The following GNAL variants were observed in gnomAD, a reference collection of about 807,000 sequenced individuals.
GNAL encodes guanine nucleotide-binding protein G(olf) subunit alpha.
In GNAL, 18 loss-of-function variants were observed where a neutral mutation model predicts 55.1. The observed-to-expected ratio is 0.33, with a 90% CI of 0.23 to 0.48. The LOEUF (loss-of-function observed/expected upper bound fraction) is 0.48, where lower values mean the gene tolerates loss of function less well. Ranked by LOEUF, GNAL falls within the 20% of genes least tolerant of loss-of-function variation. The pLI, the probability that GNAL is intolerant of heterozygous loss-of-function variation, is 0.99. For synonymous variants in GNAL, 253 were observed against 237.0 expected, an observed-to-expected ratio of 1.07 and a Z score of -0.62; for missense variants, 412 against 614.1, an observed-to-expected ratio of 0.67 and a Z score of 3.48.
intron 5 of GNAL, among the ~76,000 whole-genome samples, chr18:11,830,151 C>T (rs969167079): frequency 6.6e-6 from 1 of 152,168 alleles, no homozygotes; most frequent in African/African-American, 2.4e-5. Context: ...ACTCGCCTTT[C>T]CCCATGCTGA....
At chr18:11,726,577 A>G (rs1201576678) in intron 1 of GNAL, among the ~76,000 whole-genome samples, 1 of 152,054 alleles carries the variant, frequency 6.6e-6, no homozygotes, top group Non-Finnish European at 1.5e-5. Context: ...CTCCATGTTT[A>G]TCCTGGGATC....
At chr18:11,851,395 A>AGAAACAGGAAGTGGGACC in intron 5 of GNAL, 1 of 1,292,592 alleles carries the variant, frequency 7.7e-7, no homozygotes, top group Non-Finnish European at 1.0e-6. Flanking sequence ...CGCTCACAGT[A>AGAAACAGGAAGTGGGACC]GAAACAGGAA....
chr18:11,746,138 C>T, intron 1 of GNAL: 1 of 543,420 alleles, frequency 1.8e-6, no homozygotes, highest in Non-Finnish European at 3.7e-6. Context: ...TTCTGGGACA[C>T]TATGAAGTTT....
At chr18:11,855,159 G>A (rs1270374083) in intron 5 of GNAL, among the ~76,000 whole-genome samples, 2 of 152,038 alleles carry the variant, frequency 1.3e-5, no homozygotes, top group Non-Finnish European at 2.9e-5. Context: ...GGCTTGTCTC[G>A]GACTCCTGAC....
At chr18:11,758,809 G>T (rs2033146358) in intron 4 of GNAL, among the ~76,000 whole-genome samples, 1 of 152,200 alleles carries the variant, frequency 6.6e-6, no homozygotes, top group Admixed American at 6.5e-5. Flanking sequence ...GCAGCCAGCA[G>T]ATGCAATGAT....
At chr18:11,779,856 T>C (rs1367829349) in intron 4 of GNAL, among the ~76,000 whole-genome samples, 1 of 152,238 alleles carries the variant, frequency 6.6e-6, no homozygotes, top group African/African-American at 2.4e-5. Context: ...TTTCCTTGCC[T>C]CATACTACAA....
intron 1 of GNAL, among the ~76,000 whole-genome samples, chr18:11,698,490 CA>C (rs201762409): frequency 0.02 from 1,746 of 88,366 alleles, 35 homozygotes; most frequent in Admixed American, 0.09. Context: ...GACTCTGTCT[CA>C]AAAAAAAAAA....
In GNAL at chr18:11,867,131, T is replaced by C. The variant is rs575182824; in HGVS notation, c.852-37T>C. On this transcript the variant is annotated intron_variant, in intron 7 of 11. Coordinates refer to ENST00000334049, the MANE Select transcript of GNAL (RefSeq NM_182978.4). ...AGCACGTTTGCCATTGTCCCCTGCT[T>C]CCCCCAAATAATTGTGTTCCTCTTG... 3.7e-5 allele frequency: 57 copies of C among 1,531,730 alleles called. No homozygotes were observed. The African/African-American group carries it at 6.1e-4, about 16-fold the overall frequency. The allele number at this position is 1,531,730 out of a possible 1,614,324, so 94.9% of individuals were successfully genotyped here. A position where few individuals can be genotyped will look rare whatever the true frequency, so the allele number is the denominator to read the frequency against.
At chr18:11,777,476 T>A (rs866265844) in intron 4 of GNAL, among the ~76,000 whole-genome samples, 15 of 152,318 alleles carry the variant, frequency 9.8e-5, no homozygotes, top group African/African-American at 3.6e-4. Flanking sequence ...CTACTTGACA[T>A]GAGAATATAA....
intron 6 of GNAL, among the ~76,000 whole-genome samples, chr18:11,863,463 G>A (rs1418372878): frequency 1.3e-5 from 2 of 152,222 alleles, no homozygotes; most frequent in East Asian, 1.9e-4. Flanking sequence ...TCCTCTCTAA[G>A]GCTGATCCTG....
intron 4 of GNAL, among the ~76,000 whole-genome samples, chr18:11,760,007 C>A (rs2033188841): frequency 6.6e-6 from 1 of 151,976 alleles, no homozygotes; most frequent in Admixed American, 6.6e-5. Flanking sequence ...CCATTCCTGC[C>A]CAGTACCTCA....
At chr18:11,857,948 C>G (rs1308177866) in intron 5 of GNAL, among the ~76,000 whole-genome samples, 1 of 152,188 alleles carries the variant, frequency 6.6e-6, no homozygotes, top group African/African-American at 2.4e-5. Context: ...CTTGCCTTGA[C>G]AGATTTCCAA....
chr18:11,771,337 A>G (rs144054968), intron 4 of GNAL, among the ~76,000 whole-genome samples: 2 of 152,282 alleles, frequency 1.3e-5, no homozygotes, highest in African/African-American at 4.8e-5. Context: ...TTGGAAGTTA[A>G]TGTTAATGTT....
intron 4 of GNAL, among the ~76,000 whole-genome samples, chr18:11,787,729 C>T (rs951024293): frequency 6.6e-6 from 1 of 152,062 alleles, no homozygotes; most frequent in Non-Finnish European, 1.5e-5. Context: ...AAAAAATTAG[C>T]CAGGCATGGT....
rs368148399 is a variant in GNAL at position 11,862,416 on chromosome 18, C to T, written c.744C>T (p.Ser248=). 264 of 1,613,564 alleles carry T rather than the reference C, an allele frequency of 1.6e-4. 4 individuals are homozygous for T. In the South Asian group the frequency reaches 2.4e-3, roughly 15 times the overall value. Residue 248 remains serine (S), a synonymous_variant, in exon 6 of 12, where the codon AGC becomes AGT. Coordinates refer to ENST00000334049, the MANE Select transcript of GNAL (RefSeq NM_182978.4). ...CAQYFLERID[S]VSLVDYTPTD... is the part of the protein sequence containing the mutation. ...GCAGCTTCCTGGAAAGAATCGACAG[C>T]GTCAGCTTGGTTGACTACACACCCA... is the stretch of plus-strand genomic sequence containing the variant.
In GNAL at chr18:11,884,989, A is replaced by C; in HGVS notation, c.*3854A>C. 7.7e-7 allele frequency: 1 copy of C among 1,301,946 alleles called. No individual in the cohort carries two copies. The highest frequency in any genetic ancestry group is 1.0e-6 in the Non-Finnish European group (1 of 998,548). 80.6% of individuals were successfully genotyped at this position (1,301,946 alleles called of 1,614,324 possible). ...TTCCAGGGTCATCGGTCAGCGAGGA[A>C]CAAGGAGGGAAAGGTGTCTTCCTGC... On this transcript the variant is annotated 3_prime_UTR_variant, in exon 12 of 12. Coordinates refer to ENST00000334049, the MANE Select transcript of GNAL (RefSeq NM_182978.4).
intron 4 of GNAL, among the ~76,000 whole-genome samples, chr18:11,801,199 G>A (rs2034512103): frequency 1.3e-5 from 2 of 152,114 alleles, no homozygotes; most frequent in Non-Finnish European, 2.9e-5. Context: ...ATCTGCCCTG[G>A]GGGAGCTTAT....
intron 4 of GNAL, among the ~76,000 whole-genome samples, chr18:11,805,310 T>C (rs528236852): frequency 2.0e-5 from 3 of 151,782 alleles, no homozygotes; most frequent in African/African-American, 4.8e-5. Flanking sequence ...GAATGGAACA[T>C]GGAGATACTG....
chr18:11,759,973 T>C (rs561426843), intron 4 of GNAL, among the ~76,000 whole-genome samples: 38 of 152,206 alleles, frequency 2.5e-4, no homozygotes, highest in African/African-American at 8.4e-4. Context: ...CAGCCTCTAC[T>C]TGGGTTCCCT....
Sources: allele counts gnomAD v4.1 joint callset (sites outside exome capture counted in the v4.1 genomes callset), GRCh38; gene constraint gnomAD v4.1.1; transcripts MANE v1.5; gene names NCBI Gene and HGNC (gene_info 2026-07-23, HGNC 2026-07-21).